PRKAR1A: variants seen among roughly 807,000 people sequenced by gnomAD.
PRKAR1A encodes protein kinase cAMP-dependent type I regulatory subunit alpha, also known as cAMP-dependent protein kinase type I-alpha regulatory subunit.
PRKAR1A carries 3 observed loss-of-function variants against 52.0 expected under a neutral mutation model. The ratio of observed to expected loss-of-function variants is 0.06; its 90% CI spans 0.03 to 0.15. PRKAR1A has a LOEUF of 0.15. PRKAR1A is among the 10% of genes least tolerant of loss of function. The pLI is 1.00. For missense variants in PRKAR1A, 240 were observed against 477.4 expected, an observed-to-expected ratio of 0.50 and a Z score of 4.63; for synonymous variants, 188 against 168.4, an observed-to-expected ratio of 1.12 and a Z score of -0.90.
chr17:68,522,991 C>T, intron 3 of PRKAR1A, 65 bp downstream of exon 3: 1 of 1,570,986 alleles, frequency 6.4e-7, no homozygotes, highest in Non-Finnish European at 8.7e-7. Context: ...ATCTAGTCTC[C>T]TTTGATGAAT....
the PRKAR1A span, chr17:68,414,056 T>C: frequency 3.2e-5 from 5 of 157,344 alleles, no homozygotes; most frequent in East Asian, 9.5e-4. Context: ...CAGATGGAAA[T>C]GCAGAAATCA....
downstream of PRKAR1A, among the ~76,000 whole-genome samples, chr17:68,534,459 T>G (rs968495984): frequency 2.0e-5 from 3 of 152,138 alleles, no homozygotes; most frequent in Admixed American, 2.0e-4. Context: ...AAGTGAAAAG[T>G]TTGAGCCTCC....
the PRKAR1A span, among the ~76,000 whole-genome samples, chr17:68,475,505 C>A: frequency 6.6e-6 from 1 of 152,076 alleles, no homozygotes; most frequent in Non-Finnish European, 1.5e-5. Flanking sequence ...GTTCTGTTGC[C>A]CAGGTTGGAG....
At chr17:68,541,240 GTAGTGACCCTCACCTGCTTC>G in intron 11 of PRKAR1A, 1 of 437,916 alleles carries the variant, frequency 2.3e-6, no homozygotes, top group Non-Finnish European at 4.2e-6. Flanking sequence ...AAAGGAGGAG[GTAGTGACCCTCACCTGCTTC>G]CTCGTCCCTC....
the PRKAR1A span, among the ~76,000 whole-genome samples, chr17:68,425,196 C>T: frequency 6.6e-6 from 1 of 152,110 alleles, no homozygotes; most frequent in Non-Finnish European, 1.5e-5. Flanking sequence ...CTCCACAGAG[C>T]ACACAATTGC....
chr17:68,475,471 T>C, the PRKAR1A span, among the ~76,000 whole-genome samples: 4 of 152,336 alleles, frequency 2.6e-5, no homozygotes, highest in East Asian at 3.9e-4. Flanking sequence ...TTTTATTCAT[T>C]ATTATTTTTT....
At position 68,532,298 on chromosome 17, in the gene PRKAR1A, A is replaced by G; in HGVS notation, c.*1849A>G. 1 of 1,050,552 alleles carries G rather than the reference A, an allele frequency of 9.5e-7. No homozygotes were observed. Among genetic ancestry groups the G allele is most frequent in the Non-Finnish European group, 1.2e-6 (1 of 865,746 alleles). The allele number at this position is 1,050,552 out of a possible 1,614,324, so 65.1% of individuals were successfully genotyped here. On this transcript the variant is annotated 3_prime_UTR_variant, in exon 11 of 11. Coordinates refer to ENST00000589228, the MANE Select transcript of PRKAR1A (RefSeq NM_002734.5). ...AATGTACTTAAATGAGTTACTTAGA[A>G]TGCCATAAAATTGCAGTTTCATGTA...
chr17:68,434,594 A>G, the PRKAR1A span: 1 of 1,614,054 alleles, frequency 6.2e-7, no homozygotes, highest in South Asian at 1.1e-5. Context: ...GCTTTTGCCC[A>G]TCAGGGACAG....
the PRKAR1A span, among the ~76,000 whole-genome samples, chr17:68,492,176 C>T: frequency 2.0e-5 from 3 of 152,156 alleles, no homozygotes; most frequent in Non-Finnish European, 4.4e-5. Flanking sequence ...CTCCTGAGGC[C>T]GATGGTTCAT....
the PRKAR1A span, among the ~76,000 whole-genome samples, chr17:68,418,620 C>T: frequency 5.8e-3 from 889 of 152,242 alleles, 10 homozygotes; most frequent in African/African-American, 0.02. Flanking sequence ...TGGCTTTGCC[C>T]CTATAGACTT....
the PRKAR1A span, chr17:68,444,447 C>T: frequency 7.7e-6 from 12 of 1,550,946 alleles, no homozygotes; most frequent in Non-Finnish European, 1.1e-5. Context: ...AAAGAAGCAC[C>T]AGGACATGAA....
At chr17:68,418,090 G>T in the PRKAR1A span, among the ~76,000 whole-genome samples, 1 of 151,998 alleles carries the variant, frequency 6.6e-6, no homozygotes, top group Admixed American at 6.6e-5. Context: ...GATGACTGCC[G>T]ACCTCCTTAT....
At chr17:68,438,972 A>G in the PRKAR1A span, among the ~76,000 whole-genome samples, 236 of 152,356 alleles carry the variant, frequency 1.5e-3, no homozygotes, top group Middle Eastern at 6.8e-3. Flanking sequence ...TAGGATGACT[A>G]TAGTGAAAAA....
At chr17:68,466,812 G>A in the PRKAR1A span, among the ~76,000 whole-genome samples, 57 of 152,086 alleles carry the variant, frequency 3.7e-4, no homozygotes, top group African/African-American at 1.4e-3. Context: ...TGAACAACGC[G>A]GTGACATCTA....
At chr17:68,550,957 C>A (rs2086808360) in intron 11 of PRKAR1A, 2 of 764,072 alleles carry the variant, frequency 2.6e-6, no homozygotes, top group Non-Finnish European at 3.6e-6. Context: ...CTCAATGGGC[C>A]TCCCCTTGAA....
At chr17:68,526,563 C>A (rs2085797105) in intron 7 of PRKAR1A, among the ~76,000 whole-genome samples, 1 of 152,142 alleles carries the variant, frequency 6.6e-6, no homozygotes, top group South Asian at 2.1e-4. Context: ...TGAAATTTTT[C>A]TGCATTTGGG....
the PRKAR1A span, chr17:68,428,905 A>T: frequency 6.2e-7 from 1 of 1,614,150 alleles, no homozygotes. Flanking sequence ...CCACTGGATG[A>T]CGCAACTAGC....
intron 2 of PRKAR1A, among the ~76,000 whole-genome samples, chr17:68,521,205 G>T (rs146983928): frequency 1.6e-3 from 244 of 152,298 alleles, no homozygotes; most frequent in African/African-American, 5.1e-3. Context: ...CTCCCGAAGT[G>T]TTGGGATTAC....
the PRKAR1A span, among the ~76,000 whole-genome samples, chr17:68,499,733 C>T: frequency 6.6e-6 from 1 of 152,330 alleles, no homozygotes; most frequent in South Asian, 2.1e-4. Context: ...GTTAAGATTG[C>T]CACCGTGCTA....
Sources: allele counts gnomAD v4.1 joint callset (sites outside exome capture counted in the v4.1 genomes callset), GRCh38; gene constraint gnomAD v4.1.1; transcripts MANE v1.5; gene names NCBI Gene and HGNC (gene_info 2026-07-23, HGNC 2026-07-21).